Variants in KNG1 observed in about 807,000 individuals in gnomAD.
KNG1 encodes the protein kininogen-1.
A neutral mutation model predicts 47.8 loss-of-function variants in KNG1; 23 were observed. That is an observed-to-expected ratio of 0.48 (90% CI 0.35 to 0.68). The LOEUF is 0.68. Ranked by LOEUF, KNG1 falls within the 30% of genes least tolerant of loss-of-function variation. The probability of loss-of-function intolerance (pLI) is 0.01; values close to 1 mark genes in which losing one functional copy is unlikely to be tolerated. For missense variants in KNG1, 762 were observed against 790.2 expected, an observed-to-expected ratio of 0.96 and a Z score of 0.43; for synonymous variants, 277 against 277.0, an observed-to-expected ratio of 1.00 and a Z score of 0.00.
In KNG1 at chr3:186,726,446, C is replaced by T. The variant is rs193240726; in HGVS notation, c.565-791C>T. Among the ~76,000 whole-genome samples the T allele has an allele frequency of 3.4e-3, 515 of 151,954 alleles. 2 individuals carry two copies. Among genetic ancestry groups the T allele is most frequent in the African/African-American group, 0.012 (495 of 41,462 alleles). ...CTGGGATTACAGGCACCCACCACCA[C>T]GCCCGGCTAATTTTTGTATTTTTGG... On this transcript the variant is annotated intron_variant, in intron 4 of 9. Transcript: ENST00000644859.
intron 7 of KNG1, among the ~76,000 whole-genome samples, chr3:186,737,885 T>C (rs5030113): frequency 0.012 from 1,789 of 152,228 alleles, 11 homozygotes; most frequent in Non-Finnish European, 0.017. Context: ...TATGATTTAA[T>C]ACTAAATAAT....
intron 7 of KNG1, 41 bp downstream of exon 7, chr3:186,732,715 A>G (rs1180492795): frequency 9.1e-6 from 14 of 1,532,368 alleles, no homozygotes; most frequent in East Asian, 2.2e-5. Flanking sequence ...ACTATAGTCT[A>G]TGTGCAAATT....
At chr3:186,721,261 A>T (rs1720189498) in intron 2 of KNG1, 1 of 152,208 alleles carries the variant, frequency 6.6e-6, no homozygotes, top group Admixed American at 6.5e-5. Flanking sequence ...AGGATTTTGC[A>T]GTGCTGGTTC....
chr3:186,743,823 A>G lies in KNG1; in HGVS notation c.*1492A>G, dbSNP rs1224595239. On this transcript the variant is annotated 3_prime_UTR_variant, in exon 10 of 10. Coordinates refer to ENST00000644859, the MANE Select transcript of KNG1 (RefSeq NM_001102416.3). The stretch of plus-strand genomic sequence containing the variant: ...ATCTTCACTCCAGGCACATAGCCCC[A>G]ACCACCTCTGCCAGCAACCTTGAGA... 7.6e-6 allele frequency: 11 copies of G among 1,442,708 alleles called. No homozygotes were observed. The highest frequency in any genetic ancestry group is 9.8e-6 in the Non-Finnish European group (10 of 1,023,814). The allele number at this position is 1,442,708 out of a possible 1,614,324, so 89.4% of individuals were successfully genotyped here.
rs1184537879 is a variant in KNG1 at position 186,742,977 on chromosome 3, G to A, written c.*646G>A. ...CAGGTTGGCCAAAGGGAGGAAAGGG[G>A]GGACATAAATTAATTGACTTTCTAT... On this transcript the variant is annotated 3_prime_UTR_variant, in exon 10 of 10. Coordinates refer to ENST00000644859, the MANE Select transcript of KNG1 (RefSeq NM_001102416.3). The A allele has an allele frequency of 5.2e-6, 5 of 967,426 alleles. No individual in the cohort carries two copies. Among genetic ancestry groups the A allele is most frequent in the Admixed American group, 6.2e-5 (1 of 16,172 alleles). 59.9% of individuals were successfully genotyped at this position (967,426 alleles called of 1,614,324 possible). A position where few individuals can be genotyped will look rare whatever the true frequency, so the allele number is the denominator to read the frequency against.
chr3:186,738,436 AT>A (rs993788849), intron 7 of KNG1: 4 of 152,282 alleles, frequency 2.6e-5, no homozygotes, highest in African/African-American at 9.6e-5. Context: ...ATTTAAAAAC[AT>A]TTTAAGTTTT....
chr3:186,717,993 C>CCCA (rs1312857362), intron 1 of KNG1: 80,592 of 293,614 alleles, frequency 0.27, 15,679 homozygotes, highest in South Asian at 0.42. Flanking sequence ...ACCATCATCA[C>CCCA]CCACCACCAC....
In KNG1 at chr3:186,740,036, C is replaced by T. The variant is rs184637126; in HGVS notation, c.1125+622C>T. 7.5e-3 allele frequency among the ~76,000 whole-genome samples: 1,133 copies of T among 150,418 alleles called. 10 individuals are homozygous for T. The highest frequency in any genetic ancestry group is 0.011 in the Admixed American group (165 of 15,036). ...GCACTCCAGCCTGGGCAACAAAGAG[C>T]GAAACTTTGTCTCAAAAAAAAAAAA... On this transcript the variant is annotated intron_variant, in intron 9 of 9. Coordinates refer to ENST00000644859, the MANE Select transcript of KNG1 (RefSeq NM_001102416.3).
At chr3:186,732,379 A>C in intron 6 of KNG1, 123 bp from the exon 7 acceptor site, 1 of 848,084 alleles carries the variant, frequency 1.2e-6, no homozygotes, top group Non-Finnish European at 2.0e-6. Flanking sequence ...TCCCCCACTC[A>C]CTACTGGGCC....
Position 186,742,827 on chromosome 3 carries a change from A to C in KNG1, c.*496A>C. 1.1e-6 allele frequency: 1 copy of C among 944,634 alleles called. No individual in the cohort carries two copies. Among genetic ancestry groups the C allele is most frequent in the Non-Finnish European group, 1.3e-6 (1 of 791,416 alleles). 58.5% of individuals were successfully genotyped at this position (944,634 alleles called of 1,614,324 possible). On this transcript the variant is annotated 3_prime_UTR_variant, in exon 10 of 10. Coordinates refer to ENST00000644859, the MANE Select transcript of KNG1 (RefSeq NM_001102416.3). ...CTTGAACCCGGGAGGCGGAGGTTGC[A>C]GTGAGCCGAGATCGTGCCACTGCGC...
At chr3:186,721,221 A>G (rs1191562209) in intron 2 of KNG1, 1 of 152,130 alleles carries the variant, frequency 6.6e-6, no homozygotes, top group Non-Finnish European at 1.5e-5. Flanking sequence ...TGCCATTACC[A>G]AAGAGTACTG....
At chr3:186,732,401 G>A in intron 6 of KNG1, 101 bp from the exon 7 acceptor site, 2 of 1,115,886 alleles carry the variant, frequency 1.8e-6, no homozygotes, top group Non-Finnish European at 2.7e-6. Context: ...GGGCTCCCAT[G>A]TAGCCCCTTA....
intron 3 of KNG1, among the ~76,000 whole-genome samples, chr3:186,724,817 T>C (rs2108622493): frequency 6.6e-6 from 1 of 152,228 alleles, no homozygotes; most frequent in East Asian, 1.9e-4. Flanking sequence ...TGCCTCAGCC[T>C]CAGCCCCCCG....
At position 186,739,128 on chromosome 3, in the gene KNG1, C is replaced by T; in HGVS notation, c.960C>T (p.Asp320=). ...TGGCTGGCAAGAAATATTTTATTGA[C>T]TTCGTGGCCAGGGAAACCACATGTT... ...QVVAGKKYFI[D]FVARETTCSK... The change falls in exon 8 of 10, where the codon GAC becomes GAT. Residue 320 remains aspartate, a synonymous_variant. Transcript: ENST00000644859. 1 of 1,614,048 alleles carries T rather than the reference C, an allele frequency of 6.2e-7. No individual in the cohort carries two copies. Among genetic ancestry groups the T allele is most frequent in the South Asian group, 1.1e-5 (1 of 91,062 alleles).
chr3:186,743,576 A>G lies in KNG1; in HGVS notation c.*1245A>G, dbSNP rs1459372759. 8 of 707,656 alleles carry G rather than the reference A, an allele frequency of 1.1e-5. No individual in the cohort carries two copies. In the East Asian group the frequency reaches 2.2e-4, roughly 19 times the overall value. The allele number at this position is 707,656 out of a possible 1,614,324, so 43.8% of individuals were successfully genotyped here. ...TCTGAGTTTGTCTTTCATTTTAAAT[A>G]TTGTCTGTTCTTTTAAATAAACAAC... On this transcript the variant is annotated 3_prime_UTR_variant, in exon 10 of 10. Coordinates refer to ENST00000644859, the MANE Select transcript of KNG1 (RefSeq NM_001102416.3).
Position 186,732,562 on chromosome 3 carries a change from C to G in KNG1, c.818C>G (p.Thr273Ser). The G allele has an allele frequency of 6.2e-7, 1 of 1,614,122 alleles. No individual in the cohort carries two copies. The highest frequency in any genetic ancestry group is 8.5e-7 in the Non-Finnish European group (1 of 1,179,986). Residue 273 changes from threonine (T) to serine (S), a missense_variant, in exon 7 of 10, where the codon ACC becomes AGC. Transcript: ENST00000644859. ...GTGGGCTGCCCCAGAGATATACCCA[C>G]CAACAGCCCAGAGCTGGAGGAGACA... Reference protein sequence around the residue: ...ICVGCPRDIPTNSPELEETLT... With the variant: ...ICVGCPRDIPSNSPELEETLT...
chr3:186,731,012 T>G (rs1446941528), intron 5 of KNG1, among the ~76,000 whole-genome samples: 1 of 152,092 alleles, frequency 6.6e-6, no homozygotes, highest in Non-Finnish European at 1.5e-5. Context: ...GTATTTTGAT[T>G]CCATGCCTTC....
intron 1 of KNG1, among the ~76,000 whole-genome samples, chr3:186,719,431 A>G (rs963931990): frequency 6.6e-6 from 1 of 152,150 alleles, no homozygotes; most frequent in African/African-American, 2.4e-5. Context: ...TCATTAGGGG[A>G]AAAAGACCAC....
At chr3:186,725,551 T>C in intron 4 of KNG1, among the ~76,000 whole-genome samples, 1 of 124,744 alleles carries the variant, frequency 8.0e-6, no homozygotes, top group African/African-American at 3.1e-5. Context: ...GGATTTTTTT[T>C]TTTTTTTTTT....
Sources: allele counts gnomAD v4.1 joint callset (sites outside exome capture counted in the v4.1 genomes callset), GRCh38; gene constraint gnomAD v4.1.1; transcripts MANE v1.5; gene names NCBI Gene and HGNC (gene_info 2026-07-23, HGNC 2026-07-21).